The following PHRF1 variants were observed in gnomAD, a reference collection of about 807,000 sequenced individuals.
The protein encoded by PHRF1 is PHD and ring finger domains 1, also known as PHD and RING finger domain-containing protein 1.
Under a neutral mutation model 128.9 loss-of-function variants are expected in PHRF1, and 53 were observed. The observed-to-expected ratio is 0.41, with a 90% CI of 0.33 to 0.52. The LOEUF (loss-of-function observed/expected upper bound fraction) is 0.52, where lower values mean the gene tolerates loss of function less well. Among genes scored for constraint, PHRF1 ranks in the 20% least tolerant of loss-of-function variants. The probability of loss-of-function intolerance (pLI) is 0.21; values close to 1 mark genes in which losing one functional copy is unlikely to be tolerated. For missense variants in PHRF1, 2,503 were observed against 2,284.5 expected (o/e 1.10, Z -1.95); for synonymous variants, 1,178 against 980.6 (o/e 1.20, Z -3.76).
At chr11:577,085 T>G (rs1853906685) in intron 1 of PHRF1, among the ~76,000 whole-genome samples, 1 of 152,222 alleles carries the variant, frequency 6.6e-6, no homozygotes, top group Non-Finnish European at 1.5e-5. Flanking sequence ...CTGTGCATGG[T>G]TGCCGTCGTG....
In PHRF1 at chr11:608,467, A is replaced by C. The variant is rs772680873; in HGVS notation, c.3011A>C (p.Lys1004Thr). The C allele has an allele frequency of 6.8e-5, 110 of 1,612,502 alleles. No individual in the cohort carries two copies. The Middle Eastern group carries it at 1.7e-3, about 24-fold the overall frequency. ...RSTSSSRSRK[K>T]AKRKRVSREH... ...ACATCCAGCTCCCGCAGCAGGAAGA[A>C]GGCCAAGAGGAAGAGGGTGTCCAGG... Residue 1004 changes from lysine (K) to threonine (T), a missense_variant, in exon 14 of 18, where the codon AAG (lysine) becomes ACG (threonine). Coordinates refer to ENST00000264555, the MANE Select transcript of PHRF1 (RefSeq NM_001286581.2).
At chr11:582,728 G>T (rs901429548) in intron 3 of PHRF1, among the ~76,000 whole-genome samples, 6 of 151,450 alleles carry the variant, frequency 4.0e-5, no homozygotes, top group Non-Finnish European at 7.4e-5. Flanking sequence ...GTTTCACCGC[G>T]TTAGCCAGGA....
At chr11:584,751 T>TC (rs1854424772) in intron 3 of PHRF1, among the ~76,000 whole-genome samples, 1 of 149,234 alleles carries the variant, frequency 6.7e-6, no homozygotes, top group Non-Finnish European at 1.5e-5. Flanking sequence ...TTTTTTTTTT[T>TC]TTTGAGACCG....
intron 13 of PHRF1, 21 bp from the exon 14 acceptor site, chr11:607,045 A>G (rs1257833054): frequency 1.9e-6 from 3 of 1,542,342 alleles, no homozygotes; most frequent in Non-Finnish European, 1.7e-6. Flanking sequence ...AATGATTGCC[A>G]TTGACTTTTT....
Position 607,635 on chromosome 11 carries a change from A to G in PHRF1, c.2179A>G (p.Thr727Ala), listed in dbSNP as rs2133071133. ...REGTGQPGRG[T>A]RAESEASSRV... ...GGGCACCGGGCAGCCAGGGCGAGGCACACGGGCAGAGAGCGAGGCCAGCAG... is the reference window on the plus strand; with the variant it reads ...GGGCACCGGGCAGCCAGGGCGAGGCGCACGGGCAGAGAGCGAGGCCAGCAG... The change falls in exon 14 of 18, where the codon ACA becomes GCA. Residue 727 changes from threonine (T) to alanine (A), a missense_variant. Transcript: ENST00000264555. 2.5e-6 allele frequency: 4 copies of G among 1,611,948 alleles called. No individual in the cohort carries two copies.
At chr11:582,746 G>A (rs979881822) in intron 3 of PHRF1, among the ~76,000 whole-genome samples, 1 of 151,446 alleles carries the variant, frequency 6.6e-6, no homozygotes, top group Non-Finnish European at 1.5e-5. Flanking sequence ...GGATGGTCTC[G>A]ATCTCCTGAC....
chr11:606,744 T>C, intron 13 of PHRF1, 148 bp downstream of exon 13: 1 of 1,220,164 alleles, frequency 8.2e-7, no homozygotes, highest in Non-Finnish European at 1.1e-6. Flanking sequence ...TTGATTTCCC[T>C]TCTTGAGCAG....
At chr11:589,005 A>T (rs374231799) in intron 4 of PHRF1, among the ~76,000 whole-genome samples, 11 of 152,092 alleles carry the variant, frequency 7.2e-5, no homozygotes, top group African/African-American at 2.7e-4. Context: ...GCGTGGTACC[A>T]CGTACCTGTA....
At chr11:596,827 T>A in intron 6 of PHRF1, 96 bp from the exon 7 acceptor site, 1 of 1,016,248 alleles carries the variant, frequency 9.8e-7, no homozygotes, top group Non-Finnish European at 1.5e-6. Flanking sequence ...CAGACTTGGG[T>A]GCCATCGGAG....
intron 9 of PHRF1, among the ~76,000 whole-genome samples, chr11:601,324 G>A (rs1855612251): frequency 1.3e-5 from 2 of 152,006 alleles, no homozygotes; most frequent in Non-Finnish European, 1.5e-5. Context: ...AGCTGCTTGG[G>A]AGGCTGAGGC....
intron 11 of PHRF1, 79 bp downstream of exon 11, chr11:605,379 T>C: frequency 2.6e-6 from 4 of 1,549,338 alleles, no homozygotes; most frequent in Non-Finnish European, 8.8e-7. Flanking sequence ...CCGAGGTGCA[T>C]GCGGAGGCGT....
At chr11:587,038 C>T (rs1417462703) in intron 3 of PHRF1, among the ~76,000 whole-genome samples, 5 of 152,206 alleles carry the variant, frequency 3.3e-5, no homozygotes, top group Non-Finnish European at 7.3e-5. Context: ...TCCCGCCCCT[C>T]GGTGCAGGGC....
In PHRF1 at chr11:605,286, G is replaced by T; in HGVS notation, c.1320G>T (p.Leu440=). The change falls in exon 11 of 18, where the codon CTG becomes CTT. Residue 440 remains leucine (L), a synonymous_variant. Coordinates refer to ENST00000264555, the MANE Select transcript of PHRF1 (RefSeq NM_001286581.2). ...CTCTGTTTGGAGATCCTTATGAGCT[G>T]GATCCCTTCGACAGGTGAGTGAACT... ...SLSLFGDPYE[L]DPFDSSEELS... The T allele has an allele frequency of 6.2e-7, 1 of 1,613,536 alleles. No homozygotes were observed. The highest frequency in any genetic ancestry group is 1.1e-5 in the South Asian group (1 of 91,078).
intron 9 of PHRF1, among the ~76,000 whole-genome samples, chr11:600,525 A>T (rs1410154122): frequency 1.5e-5 from 2 of 135,952 alleles, no homozygotes; most frequent in African/African-American, 6.2e-5. Flanking sequence ...TATATGGTTT[A>T]TTTCTCCGTT....
chr11:609,937 A>G (rs1432208042), intron 14 of PHRF1, among the ~76,000 whole-genome samples: 1 of 152,304 alleles, frequency 6.6e-6, no homozygotes, highest in East Asian at 1.9e-4. Context: ...CCCGGCCACC[A>G]CAGGGAGCTT....
In PHRF1 at chr11:611,727, A is replaced by G; in HGVS notation, c.4900A>G (p.Lys1634Glu). The change falls in exon 18 of 18, where the codon AAG becomes GAG. Residue 1634 changes from lysine to glutamate, a missense_variant. By Grantham distance (56) the Lys-to-Glu change is moderately conservative. Coordinates refer to ENST00000264555, the MANE Select transcript of PHRF1 (RefSeq NM_001286581.2). ...CAAGTACAGGCACATGCGCAGGCAC[A>G]AGAAACCAGAGGCCGGGGAGGAGCC... ...VDKYRHMRRHKKPEAGEEPPT... is the reference protein window; with the variant it reads ...VDKYRHMRRHEKPEAGEEPPT... 1.2e-6 allele frequency: 2 copies of G among 1,612,848 alleles called. No individual in the cohort carries two copies. The highest frequency in any genetic ancestry group is 1.7e-6 in the Non-Finnish European group (2 of 1,179,784).
rs749351269 is a variant in PHRF1, at chr11:607,140, C to G, written c.1684C>G (p.Arg562Gly). The G allele has an allele frequency of 1.2e-6, 2 of 1,613,018 alleles. No individual in the cohort carries two copies. The highest frequency in any genetic ancestry group is 1.3e-5 in the African/African-American group (1 of 75,070). The part of the protein sequence containing the change: ...EEGFKGCLQP[R>G]ALPSGSPAQG... Reference sequence around the variant, plus strand: ...AGGATTCAAGGGCTGCCTGCAGCCCCGAGCACTGCCCTCCGGGAGCCCGGC... The same window carrying G: ...AGGATTCAAGGGCTGCCTGCAGCCCGGAGCACTGCCCTCCGGGAGCCCGGC... The change falls in exon 14 of 18, where the codon CGA becomes GGA. Residue 562 changes from arginine (R) to glycine (G), a missense_variant. Arg to Gly is a moderately radical substitution (Grantham distance 125). Transcript: ENST00000264555.
intron 9 of PHRF1, among the ~76,000 whole-genome samples, chr11:600,706 C>T (rs1051223548): frequency 1.6e-4 from 25 of 151,658 alleles, no homozygotes; most frequent in Non-Finnish European, 3.2e-4. Flanking sequence ...GTGGCTTACA[C>T]CTGTAATCCC....
chr11:604,315 C>T (rs1046435218), intron 10 of PHRF1, among the ~76,000 whole-genome samples: 6 of 152,188 alleles, frequency 3.9e-5, no homozygotes, highest in South Asian at 2.1e-4. Context: ...CCCGATGGCA[C>T]GTGAGGGTGT....
Sources: gnomAD v4.1 joint callset for allele counts (sites outside exome capture counted in the v4.1 genomes callset) on GRCh38, gnomAD v4.1.1 for gene constraint, MANE v1.5 for transcripts, NCBI Gene and HGNC (gene_info 2026-07-23, HGNC 2026-07-21) for gene names.